Variants in CUBN observed in about 807,000 individuals in gnomAD.
The protein encoded by CUBN is 460 kDa receptor.
In CUBN, 282 loss-of-function variants were observed where a neutral mutation model predicts 405.3. The observed-to-expected ratio is 0.70, with a 90% CI of 0.63 to 0.77. CUBN has a LOEUF of 0.77. CUBN is among the 30% of genes least tolerant of loss of function. CUBN has a pLI of 0.00. For synonymous variants in CUBN, 1,684 were observed against 1,617.0 expected (o/e 1.04, Z -0.99); for missense variants, 4,514 against 4,475.2 (o/e 1.01, Z -0.25).
intron 59 of CUBN, among the ~76,000 whole-genome samples, chr10:16,864,489 A>G (rs780856201): frequency 1.8e-4 from 28 of 152,092 alleles, no homozygotes; most frequent in Non-Finnish European, 3.4e-4. Context: ...TATCTGCTTT[A>G]TCCCCATCAC....
chr10:16,897,478 G>A (rs1023292383), intron 54 of CUBN, among the ~76,000 whole-genome samples: 3 of 152,066 alleles, frequency 2.0e-5, no homozygotes, highest in Non-Finnish European at 4.4e-5. Context: ...TCAGTTGAAG[G>A]CAAAGGGTAT....
chr10:16,889,961 G>C (rs919361942), intron 55 of CUBN, among the ~76,000 whole-genome samples: 1 of 115,970 alleles, frequency 8.6e-6, no homozygotes, highest in Non-Finnish European at 1.6e-5. Context: ...AAACAGGAAA[G>C]ACTTCGTCAT....
chr10:16,944,009 C>A (rs1842719993), intron 36 of CUBN, among the ~76,000 whole-genome samples: 1 of 152,200 alleles, frequency 6.6e-6, no homozygotes, highest in African/African-American at 2.4e-5. Context: ...TGGCTTAGAT[C>A]TGTTAGTAAA....
intron 48 of CUBN, among the ~76,000 whole-genome samples, chr10:16,912,291 T>A (rs1171575553): frequency 6.6e-6 from 1 of 152,174 alleles, no homozygotes; most frequent in Non-Finnish European, 1.5e-5. Context: ...AAAACAAAAG[T>A]GGCTTGTTAT....
Position 16,919,041 on chromosome 10 carries a change from A to G in CUBN, c.6822-241T>C, listed in dbSNP as rs936241502. On this transcript the variant is annotated intron_variant, in intron 44 of 66. Coordinates refer to ENST00000377833, the MANE Select transcript of CUBN (RefSeq NM_001081.4). Reference sequence around the variant, plus strand: ...ACATGTTCTACATTCAAGAATATTTACTTCCCTTCCATATTCTGTATTGGT... The same window carrying G: ...ACATGTTCTACATTCAAGAATATTTGCTTCCCTTCCATATTCTGTATTGGT... Among the ~76,000 whole-genome samples the G allele has an allele frequency of 5.9e-5, 9 of 152,348 alleles. No homozygotes were observed. The South Asian group carries it at 1.7e-3, about 28-fold the overall frequency.
chr10:16,836,533 G>T, intron 62 of CUBN, 151 bp from the exon 63 acceptor site: 1 of 780,204 alleles, frequency 1.3e-6, no homozygotes, highest in Non-Finnish European at 2.2e-6. Context: ...GAAGACTCAC[G>T]TTGGCCTTGG....
intron 27 of CUBN, among the ~76,000 whole-genome samples, chr10:17,028,067 G>A (rs988930468): frequency 2.0e-5 from 3 of 151,856 alleles, no homozygotes; most frequent in Admixed American, 6.6e-5. Context: ...CATATGTTTC[G>A]ATAGTCACTG....
intron 22 of CUBN, among the ~76,000 whole-genome samples, chr10:17,063,632 T>C (rs1397085447): frequency 6.6e-6 from 1 of 152,204 alleles, no homozygotes; most frequent in African/African-American, 2.4e-5. Flanking sequence ...TGCCCAATTA[T>C]TTTAACTGCT....
At position 16,909,587 on chromosome 10, in the gene CUBN, A is replaced by G. The variant is rs148963996; in HGVS notation, c.7534-1908T>C. On this transcript the variant is annotated intron_variant, in intron 48 of 66. Transcript: ENST00000377833. ...AGGGATTAGAACCAACCATAAGGTT[A>G]ATGGGACATGTCGGAAACTGTGATC... Among the ~76,000 whole-genome samples, 674 of 152,358 alleles carry G rather than the reference A, an allele frequency of 4.4e-3. 1 individual carries two copies. Among genetic ancestry groups the G allele is most frequent in the Non-Finnish European group, 6.6e-3 (447 of 68,040 alleles).
intron 17 of CUBN, among the ~76,000 whole-genome samples, chr10:17,073,444 CT>C (rs11349387): frequency 0.37 from 40,244 of 109,062 alleles, 5,390 homozygotes; most frequent in African/African-American, 0.56. Flanking sequence ...ATAACCAGCT[CT>C]TTTTTTTTTT....
At chr10:17,040,552 T>C (rs10508519) in intron 27 of CUBN, among the ~76,000 whole-genome samples, 4,229 of 152,224 alleles carry the variant, frequency 0.028, 212 homozygotes, top group African/African-American at 0.098. Flanking sequence ...TAAATGTTAC[T>C]AGTGGTCATG....
At chr10:16,826,792 A>T (rs1361263968) in intron 66 of CUBN, among the ~76,000 whole-genome samples, 9 of 152,140 alleles carry the variant, frequency 5.9e-5, no homozygotes, top group African/African-American at 2.2e-4. Flanking sequence ...CAAGTCCAGG[A>T]TATACTTGTT....
At chr10:17,129,087 A>G in intron 2 of CUBN, 34 bp downstream of exon 2, 1 of 1,574,818 alleles carries the variant, frequency 6.3e-7, no homozygotes, top group East Asian at 2.2e-5. Context: ...ATATGGATAT[A>G]CAAAATGACT....
At chr10:16,907,355 C>T (rs1033838794) in intron 49 of CUBN, among the ~76,000 whole-genome samples, 153 bp downstream of exon 49, 2 of 152,092 alleles carry the variant, frequency 1.3e-5, no homozygotes, top group South Asian at 2.1e-4. Context: ...GTCTGCAGTG[C>T]GTTTTTCATC....
At chr10:17,018,244 C>T (rs1233827220) in intron 28 of CUBN, among the ~76,000 whole-genome samples, 2 of 152,114 alleles carry the variant, frequency 1.3e-5, no homozygotes, top group South Asian at 2.1e-4. Flanking sequence ...GAATAGCAAG[C>T]GAAAGGGGTC....
chr10:17,094,118 A>T (rs1011770841), intron 14 of CUBN, among the ~76,000 whole-genome samples: 1 of 152,110 alleles, frequency 6.6e-6, no homozygotes, highest in African/African-American at 2.4e-5. Context: ...TAGATACGCC[A>T]TAATCAAGTT....
chr10:16,903,916 T>A, intron 51 of CUBN, 50 bp downstream of exon 51: 1 of 1,311,062 alleles, frequency 7.6e-7, no homozygotes, highest in Non-Finnish European at 1.1e-6. Flanking sequence ...TGGAAAAAAA[T>A]CATTAATCTT....
At chr10:16,973,361 A>G (rs1165573544) in intron 31 of CUBN, among the ~76,000 whole-genome samples, 1 of 152,162 alleles carries the variant, frequency 6.6e-6, no homozygotes, top group Non-Finnish European at 1.5e-5. Context: ...ATGATTCCAG[A>G]GCACTGAGCC....
chr10:16,841,665 T>C (rs549458792), intron 60 of CUBN, among the ~76,000 whole-genome samples: 2 of 152,314 alleles, frequency 1.3e-5, no homozygotes, highest in East Asian at 1.9e-4. Flanking sequence ...TTCTTGGGTA[T>C]GGCATTTGCT....
Sources: gnomAD v4.1 joint callset for allele counts (sites outside exome capture counted in the v4.1 genomes callset) on GRCh38, gnomAD v4.1.1 for gene constraint, MANE v1.5 for transcripts, NCBI Gene and HGNC (gene_info 2026-07-23, HGNC 2026-07-21) for gene names.